The following ADAMTS20 variants were observed in gnomAD, a reference collection of about 807,000 sequenced individuals.
ADAMTS20 encodes the protein ADAM metallopeptidase with thrombospondin type 1 motif 20.
A neutral mutation model predicts 260.1 loss-of-function variants in ADAMTS20; 225 were observed. The ratio of observed to expected loss-of-function variants is 0.87; its 90% CI spans 0.78 to 0.97. The LOEUF (loss-of-function observed/expected upper bound fraction) is 0.97. ADAMTS20 is among the 50% of genes least tolerant of loss of function. The pLI is 0.00. For synonymous variants in ADAMTS20, 802 were observed against 769.5 expected, an observed-to-expected ratio of 1.04 and a Z score of -0.70; for missense variants, 2,400 against 2,337.7, an observed-to-expected ratio of 1.03 and a Z score of -0.55.
intron 4 of ADAMTS20, among the ~76,000 whole-genome samples, chr12:43,496,804 G>A (rs1454320449): frequency 1.3e-5 from 2 of 152,038 alleles, no homozygotes; most frequent in African/African-American, 4.8e-5. Flanking sequence ...AAAATAATTA[G>A]ATATCTTCAT....
chr12:43,525,549 T>C (rs1411730621), intron 3 of ADAMTS20, among the ~76,000 whole-genome samples: 1 of 152,188 alleles, frequency 6.6e-6, no homozygotes, highest in African/African-American at 2.4e-5. Flanking sequence ...GTAAATGGCC[T>C]ACATTCTCCA....
At chr12:43,452,086 A>G (rs906978358) in intron 14 of ADAMTS20, among the ~76,000 whole-genome samples, 188 bp downstream of exon 14, 2 of 152,248 alleles carry the variant, frequency 1.3e-5, no homozygotes, top group South Asian at 2.1e-4. Flanking sequence ...GGCATTCTTG[A>G]TGACAGAGAA....
chr12:43,467,049 C>T (rs1395629060), intron 8 of ADAMTS20, among the ~76,000 whole-genome samples: 1 of 151,982 alleles, frequency 6.6e-6, no homozygotes, highest in Non-Finnish European at 1.5e-5. Flanking sequence ...TGTTGCACCT[C>T]ATCACAATAT....
chr12:43,365,729 G>A (rs147814366), intron 37 of ADAMTS20, among the ~76,000 whole-genome samples: 7 of 152,052 alleles, frequency 4.6e-5, no homozygotes, highest in African/African-American at 1.7e-4. Context: ...AATGGTATAT[G>A]TATAACAAAC....
intron 3 of ADAMTS20, 97 bp from the exon 4 acceptor site, chr12:43,502,502 A>G (rs1942783674): frequency 1.8e-6 from 2 of 1,089,198 alleles, no homozygotes; most frequent in African/African-American, 3.2e-5. Context: ...TAATACTTAC[A>G]TATCTGTTCC....
intron 2 of ADAMTS20, among the ~76,000 whole-genome samples, chr12:43,537,252 A>C (rs1488232281): frequency 6.6e-6 from 1 of 151,182 alleles, no homozygotes; most frequent in Non-Finnish European, 1.5e-5. Context: ...ATGGGGTTTC[A>C]CTATGTTGCC....
chr12:43,427,166 C>T, intron 27 of ADAMTS20, 142 bp downstream of exon 27: 1 of 898,578 alleles, frequency 1.1e-6, no homozygotes, highest in Non-Finnish European at 1.6e-6. Flanking sequence ...GAGTGAGACC[C>T]TGTCTCCAAA....
intron 4 of ADAMTS20, among the ~76,000 whole-genome samples, chr12:43,501,715 T>A (rs1025333226): frequency 2.6e-5 from 4 of 152,130 alleles, no homozygotes; most frequent in Non-Finnish European, 1.5e-5. Context: ...AATACATGTA[T>A]AACTTAAAAT....
chr12:43,394,916 T>C (rs1940668541), intron 29 of ADAMTS20, among the ~76,000 whole-genome samples: 1 of 152,048 alleles, frequency 6.6e-6, no homozygotes, highest in Non-Finnish European at 1.5e-5. Flanking sequence ...GAATAAAAAC[T>C]CTTAATATAG....
chr12:43,502,098 T>A (rs895111336), intron 4 of ADAMTS20, 54 bp downstream of exon 4: 4 of 1,453,570 alleles, frequency 2.8e-6, no homozygotes, highest in Non-Finnish European at 2.7e-6. Context: ...CATGAAAAAA[T>A]TTCATTAAGC....
intron 28 of ADAMTS20, among the ~76,000 whole-genome samples, chr12:43,409,508 A>G (rs1319961591): frequency 7.0e-6 from 1 of 142,868 alleles, no homozygotes; most frequent in Non-Finnish European, 1.5e-5. Flanking sequence ...AGGCTGAGGC[A>G]GGAGAATGGC....
At chr12:43,458,265 G>T (rs1296003211) in intron 11 of ADAMTS20, among the ~76,000 whole-genome samples, 1 of 152,208 alleles carries the variant, frequency 6.6e-6, no homozygotes, top group Admixed American at 6.5e-5. Flanking sequence ...TCCAAAGGAG[G>T]CAATCAGAAT....
intron 7 of ADAMTS20, among the ~76,000 whole-genome samples, chr12:43,472,044 C>G (rs553403166): frequency 6.6e-6 from 1 of 151,874 alleles, no homozygotes; most frequent in Non-Finnish European, 1.5e-5. Context: ...CTCTGAGCTA[C>G]GGGAGGACAT....
At chr12:43,441,047 T>C (rs1033591016) in intron 16 of ADAMTS20, among the ~76,000 whole-genome samples, 6 of 146,360 alleles carry the variant, frequency 4.1e-5, no homozygotes, top group Admixed American at 2.1e-4. Context: ...CATGGGAGAT[T>C]GAGGGAGACT....
chr12:43,432,997 C>A (rs978542118), intron 19 of ADAMTS20, among the ~76,000 whole-genome samples, 186 bp from the exon 20 acceptor site: 1 of 152,164 alleles, frequency 6.6e-6, no homozygotes, highest in Non-Finnish European at 1.5e-5. Flanking sequence ...TTGGTGGTAG[C>A]TTTGGAGGTG....
rs895564205 is a variant in ADAMTS20 at position 43,375,501 on chromosome 12, G to A, written c.5324C>T (p.Pro1775Leu). Residue 1775 changes from proline to leucine, a missense_variant, in exon 36 of 39, where the codon CCA (proline) becomes CTA (leucine). Transcript: ENST00000389420. ...SEVYGFRLKN[P>L]YQCPFNGSRR... ...ACTCCCATTAAAAGGACATTGATATGGATTTTTTAGTCTGTAACAACATTG... is the reference window on the plus strand; with the variant it reads ...ACTCCCATTAAAAGGACATTGATATAGATTTTTTAGTCTGTAACAACATTG... 2 of 1,612,990 alleles carry A rather than the reference G, an allele frequency of 1.2e-6. No homozygotes were observed. Among genetic ancestry groups the A allele is most frequent in the African/African-American group, 1.3e-5 (1 of 74,842 alleles).
intron 18 of ADAMTS20, among the ~76,000 whole-genome samples, chr12:43,438,328 T>A (rs1384074368): frequency 6.6e-6 from 1 of 152,202 alleles, no homozygotes; most frequent in Non-Finnish European, 1.5e-5. Context: ...GCTTACCCAC[T>A]CAAGTTGGAA....
At chr12:43,500,649 CA>C (rs1339097808) in intron 4 of ADAMTS20, among the ~76,000 whole-genome samples, 1 of 152,012 alleles carries the variant, frequency 6.6e-6, no homozygotes, top group Non-Finnish European at 1.5e-5. Context: ...TACACAATTT[CA>C]AAAAATCATT....
At chr12:43,536,700 G>C (rs537791334) in intron 2 of ADAMTS20, among the ~76,000 whole-genome samples, 1 of 152,206 alleles carries the variant, frequency 6.6e-6, no homozygotes. Context: ...CAGGTAAAGT[G>C]ACAGAGAGAA....
Sources: gnomAD v4.1 joint callset for allele counts (sites outside exome capture counted in the v4.1 genomes callset) on GRCh38, gnomAD v4.1.1 for gene constraint, MANE v1.5 for transcripts, NCBI Gene and HGNC (gene_info 2026-07-23, HGNC 2026-07-21) for gene names.